Variants in ITIH5 observed in about 807,000 individuals in gnomAD.
ITIH5 encodes inter-alpha-trypsin inhibitor heavy chain 5.
ITIH5 carries 65 observed loss-of-function variants against 77.5 expected under a neutral mutation model. The observed-to-expected ratio is 0.84, with a 90% CI of 0.69 to 1.03. ITIH5 has a LOEUF of 1.03. Among genes scored for constraint, ITIH5 ranks in the 50% least tolerant of loss-of-function variants. The pLI is 0.00. For synonymous variants in ITIH5, 525 were observed against 494.3 expected (o/e 1.06, Z -0.82); for missense variants, 1,208 against 1,213.1 (o/e 1.00, Z 0.06).
intron 5 of ITIH5, among the ~76,000 whole-genome samples, chr10:7,631,133 T>A (rs778000305): frequency 2.6e-5 from 4 of 152,040 alleles, no homozygotes; most frequent in Admixed American, 2.0e-4. Flanking sequence ...CCCCAAACTT[T>A]ATTGTCCGTT....
In ITIH5 at chr10:7,564,905, GAC is replaced by G. The variant is rs1832109750; in HGVS notation, c.2527+1123_2527+1124del. Among the ~76,000 whole-genome samples, 15 of 35,912 alleles carry G rather than the reference GAC, an allele frequency of 4.2e-4. No homozygotes were observed. In the South Asian group the frequency reaches 0.025, roughly 60 times the overall value. The allele number at this position is 35,912 out of a possible 152,430, so 23.6% of individuals were successfully genotyped here. ...ACACACACACATACATACATATACA[GAC>G]TGTGTGTGTATATATATATATATAC... On this transcript the variant is annotated intron_variant, in intron 13 of 13. Transcript: ENST00000397146.
At chr10:7,565,101 T>C (rs200429897) in intron 13 of ITIH5, among the ~76,000 whole-genome samples, 20 of 126,986 alleles carry the variant, frequency 1.6e-4, no homozygotes, top group African/African-American at 6.6e-4. Context: ...CACACACACA[T>C]ACATATACAG....
chr10:7,634,909 G>T (rs1833775749), intron 5 of ITIH5, among the ~76,000 whole-genome samples: 2 of 152,116 alleles, frequency 1.3e-5, no homozygotes, highest in Non-Finnish European at 2.9e-5. Context: ...CTGTTAGAGA[G>T]AAATGAAATT....
intron 9 of ITIH5, 86 bp downstream of exon 9, chr10:7,579,669 G>T: frequency 7.4e-7 from 1 of 1,352,742 alleles, no homozygotes; most frequent in Non-Finnish European, 1.0e-6. Flanking sequence ...CTGGGGTGCA[G>T]CAACACACTC....
intron 1 of ITIH5, among the ~76,000 whole-genome samples, chr10:7,660,814 G>A (rs528900151): frequency 8.5e-5 from 13 of 152,290 alleles, no homozygotes; most frequent in East Asian, 1.9e-4. Flanking sequence ...GTAATGACCC[G>A]GTTGACTTAA....
rs555572774 is a variant in ITIH5 at position 7,614,120 on chromosome 10, A to T, written c.939+1862T>A. The stretch of plus-strand genomic sequence containing the variant: ...TCCTTAAAGGATAAAAGTAAAATAA[A>T]TCATTTTCAGACAAAGACAGAGAAT... On this transcript the variant is annotated intron_variant, in intron 7 of 13. Coordinates refer to ENST00000397146, the MANE Select transcript of ITIH5 (RefSeq NM_030569.7). 9.2e-5 allele frequency among the ~76,000 whole-genome samples: 14 copies of T among 152,346 alleles called. No homozygotes were observed. The South Asian group carries it at 2.9e-3, about 32-fold the overall frequency.
chr10:7,602,347 G>A (rs1202211176), intron 7 of ITIH5, among the ~76,000 whole-genome samples: 3 of 152,208 alleles, frequency 2.0e-5, no homozygotes, highest in Non-Finnish European at 4.4e-5. Context: ...ATAATATTTG[G>A]TATGGTTTGC....
chr10:7,576,985 G>A lies in ITIH5; in HGVS notation c.1446C>T (p.Leu482=), dbSNP rs771960244. Residue 482 remains leucine (L), a synonymous_variant, in exon 10 of 14, where the codon CTC becomes CTT. Transcript: ENST00000397146. ...IGFYDEIRTP[L]LSDIRIDYPP... Reference sequence around the variant, plus strand: ...GATAATCGATGCGGATGTCAGAGAGGAGCGGGGTCCTGATTTCATCGTAGA... The same window carrying A: ...GATAATCGATGCGGATGTCAGAGAGAAGCGGGGTCCTGATTTCATCGTAGA... 6.2e-7 allele frequency: 1 copy of A among 1,612,948 alleles called. No homozygotes were observed. Among genetic ancestry groups the A allele is most frequent in the Non-Finnish European group, 8.5e-7 (1 of 1,179,172 alleles).
In ITIH5 at chr10:7,606,356, T is replaced by C. The variant is rs536970654; in HGVS notation, c.939+9626A>G. Among the ~76,000 whole-genome samples the C allele has an allele frequency of 1.1e-4, 17 of 152,262 alleles. No homozygotes were observed. The East Asian group carries it at 1.4e-3, about 12-fold the overall frequency. On this transcript the variant is annotated intron_variant, in intron 7 of 13. Transcript: ENST00000397146. ...ACCAAAGACATGGAATCAACCTAAA[T>C]GACCATCAGTGGTGGACTCGATAAA...
chr10:7,602,910 TG>T (rs1833044216), intron 7 of ITIH5, among the ~76,000 whole-genome samples: 1 of 152,194 alleles, frequency 6.6e-6, no homozygotes, highest in South Asian at 2.1e-4. Flanking sequence ...AGTTCCTTCT[TG>T]TGGGGCACAT....
chr10:7,608,603 G>A (rs1833179634), intron 7 of ITIH5, among the ~76,000 whole-genome samples: 1 of 152,166 alleles, frequency 6.6e-6, no homozygotes, highest in South Asian at 2.1e-4. Context: ...CTTTTGAAAT[G>A]TGGCAGACCC....
At position 7,666,824 on chromosome 10, in the gene ITIH5, G is replaced by T; in HGVS notation, c.69C>A (p.Ser23Arg). Residue 23 changes from serine to arginine, a missense_variant, in exon 1 of 14, where the codon AGC (serine) becomes AGA (arginine). Transcript: ENST00000397146. Reference protein sequence around the residue: ...LCVGSQEEAQSWGHSSEQDGL... With the variant: ...LCVGSQEEAQRWGHSSEQDGL... Reference sequence around the variant, plus strand: ...TTACCTGCTCCGAAGAGTGGCCCCAGCTCTGCGCCTCTTCCTGCGACCCCA... The same window carrying T: ...TTACCTGCTCCGAAGAGTGGCCCCATCTCTGCGCCTCTTCCTGCGACCCCA... 1 of 1,608,960 alleles carries T rather than the reference G, an allele frequency of 6.2e-7. No individual in the cohort carries two copies. The highest frequency in any genetic ancestry group is 1.1e-5 in the South Asian group (1 of 90,590).
At chr10:7,567,323 TTA>T (rs1832207531) in intron 12 of ITIH5, among the ~76,000 whole-genome samples, 2 of 136,022 alleles carry the variant, frequency 1.5e-5, no homozygotes, top group African/African-American at 6.4e-5. Context: ...ACATCTTTTA[TTA>T]TTATTATTAT....
chr10:7,634,172 T>G (rs547786086), intron 5 of ITIH5, among the ~76,000 whole-genome samples: 1 of 150,624 alleles, frequency 6.6e-6, no homozygotes, highest in Non-Finnish European at 1.5e-5. Flanking sequence ...ATTCCAGAAG[T>G]TAGATTTCTT....
At chr10:7,594,162 G>A (rs1347782456) in intron 7 of ITIH5, among the ~76,000 whole-genome samples, 1 of 152,224 alleles carries the variant, frequency 6.6e-6, no homozygotes, top group Non-Finnish European at 1.5e-5. Context: ...CTCTGAGCCT[G>A]TCCAGAGGAA....
chr10:7,636,270 G>A (rs569669993), intron 5 of ITIH5, among the ~76,000 whole-genome samples: 6 of 152,210 alleles, frequency 3.9e-5, no homozygotes, highest in African/African-American at 1.4e-4. Context: ...CAGAATTTGA[G>A]AAAATTTAAA....
chr10:7,651,907 G>A (rs991992577), intron 2 of ITIH5, among the ~76,000 whole-genome samples: 6 of 152,146 alleles, frequency 3.9e-5, no homozygotes, highest in African/African-American at 1.4e-4. Flanking sequence ...AGGGATCTGT[G>A]AGTATGAAAT....
At chr10:7,589,965 CT>C (rs1832759810) in intron 7 of ITIH5, among the ~76,000 whole-genome samples, 2 of 141,524 alleles carry the variant, frequency 1.4e-5, no homozygotes, top group Non-Finnish European at 3.1e-5. Context: ...TCACAGGGTC[CT>C]TTTCTCAGCT....
rs980463020 is a variant in ITIH5 at position 7,562,207 on chromosome 10, G to A, written c.*876C>T. ...GATGACCACAAGGAAAAAAGGTCTG[G>A]GAACTATGACAAAGGCTGGAGAGCT... On this transcript the variant is annotated 3_prime_UTR_variant, in exon 14 of 14. Transcript: ENST00000397146. 3 of 152,196 alleles carry A rather than the reference G, an allele frequency of 2.0e-5. No individual in the cohort carries two copies. Among genetic ancestry groups the A allele is most frequent in the Non-Finnish European group, 2.9e-5 (2 of 68,068 alleles). 9.4% of individuals were successfully genotyped at this position (152,196 alleles called of 1,614,324 possible). A position where few individuals can be genotyped will look rare whatever the true frequency, so the allele number is the denominator to read the frequency against.
Sources: gnomAD v4.1 joint callset for allele counts (sites outside exome capture counted in the v4.1 genomes callset) on GRCh38, gnomAD v4.1.1 for gene constraint, MANE v1.5 for transcripts, NCBI Gene and HGNC (gene_info 2026-07-23, HGNC 2026-07-21) for gene names.